AKAP19: variants seen among roughly 807,000 people sequenced by gnomAD.
AKAP19 encodes the protein small A-kinase anchoring protein.
the AKAP19 span, among the ~76,000 whole-genome samples, chr2:189,979,621 C>T: frequency 4.3e-3 from 652 of 152,186 alleles, 22 homozygotes; most frequent in Admixed American, 0.035. Flanking sequence ...GCAGAATCAA[C>T]AGAGTAAACA....
the AKAP19 span, among the ~76,000 whole-genome samples, chr2:190,170,788 T>C: frequency 6.6e-6 from 1 of 152,210 alleles, no homozygotes; most frequent in Admixed American, 6.5e-5. Flanking sequence ...TATTTTCTTA[T>C]CGCTTTTTGT....
chr2:190,134,169 G>GA, the AKAP19 span, among the ~76,000 whole-genome samples: 1 of 152,104 alleles, frequency 6.6e-6, no homozygotes, highest in Non-Finnish European at 1.5e-5. Flanking sequence ...TGAAACCCAT[G>GA]AGCTAAAAAC....
the AKAP19 span, among the ~76,000 whole-genome samples, chr2:189,920,292 T>C: frequency 1.3e-5 from 2 of 152,216 alleles, no homozygotes; most frequent in African/African-American, 4.8e-5. Flanking sequence ...TTTCTTGCAC[T>C]ATCATTCTCA....
At chr2:190,173,096 C>T in the AKAP19 span, among the ~76,000 whole-genome samples, 15 of 140,612 alleles carry the variant, frequency 1.1e-4, no homozygotes, top group Non-Finnish European at 1.5e-5. Flanking sequence ...GCCTCGGTGA[C>T]AAAGAGAGAC....
the AKAP19 span, among the ~76,000 whole-genome samples, chr2:190,028,242 A>AT: frequency 6.6e-5 from 10 of 152,006 alleles, no homozygotes; most frequent in South Asian, 2.1e-4. Context: ...TTTTTCCTTC[A>AT]TTTTTTCTGT....
At chr2:189,933,253 A>AC in the AKAP19 span, among the ~76,000 whole-genome samples, 1 of 152,224 alleles carries the variant, frequency 6.6e-6, no homozygotes, top group African/African-American at 2.4e-5. Flanking sequence ...TCTCATAAAG[A>AC]CTTCTACTCC....
At chr2:190,161,525 C>T in the AKAP19 span, among the ~76,000 whole-genome samples, 1 of 152,132 alleles carries the variant, frequency 6.6e-6, no homozygotes, top group African/African-American at 2.4e-5. Context: ...GTCATGTCAT[C>T]TTATAGAGAG....
At chr2:190,084,939 G>A in the AKAP19 span, among the ~76,000 whole-genome samples, 1 of 152,178 alleles carries the variant, frequency 6.6e-6, no homozygotes, top group Non-Finnish European at 1.5e-5. Flanking sequence ...AAAGGCCATG[G>A]GAAAACTTTT....
the AKAP19 span, among the ~76,000 whole-genome samples, chr2:189,907,680 G>T: frequency 6.6e-6 from 1 of 151,824 alleles, no homozygotes; most frequent in Admixed American, 6.6e-5. Context: ...AATATTTGTT[G>T]AACAATAGTG....
At chr2:190,054,612 C>T in the AKAP19 span, among the ~76,000 whole-genome samples, 1 of 152,132 alleles carries the variant, frequency 6.6e-6, no homozygotes, top group South Asian at 2.1e-4. Flanking sequence ...TATCCAGAAT[C>T]TACAATGAAC....
chr2:190,174,758 T>C, the AKAP19 span, among the ~76,000 whole-genome samples: 1 of 152,226 alleles, frequency 6.6e-6, no homozygotes, highest in African/African-American at 2.4e-5. Flanking sequence ...CAATGTCTTA[T>C]ACTCACATTT....
the AKAP19 span, chr2:189,923,864 G>T: frequency 6.2e-7 from 1 of 1,611,206 alleles, no homozygotes; most frequent in Non-Finnish European, 8.5e-7. Flanking sequence ...AAAGTTGAAA[G>T]GAGATGACCT....
chr2:190,180,985 C>G, the AKAP19 span: 3 of 985,678 alleles, frequency 3.0e-6, no homozygotes, highest in Non-Finnish European at 2.4e-6. This position sits in a 1 kb window ranked among gnomAD's most constrained non-coding sequence, Gnocchi z 6.8. Flanking sequence ...AGCAAGCCCC[C>G]CTCCCACGAC....
chr2:190,176,406 G>A, the AKAP19 span, among the ~76,000 whole-genome samples: 6 of 152,158 alleles, frequency 3.9e-5, no homozygotes, highest in African/African-American at 1.4e-4. The surrounding 1 kb of genome is among the most constrained non-coding windows in gnomAD (Gnocchi z 4.7). Context: ...GGAGTGCAAT[G>A]GTGTGATCTC....
chr2:189,901,383 G>T, the AKAP19 span, among the ~76,000 whole-genome samples: 1 of 152,022 alleles, frequency 6.6e-6, no homozygotes, highest in Non-Finnish European at 1.5e-5. Context: ...CACTTGCCCA[G>T]GCTGGAATGC....
the AKAP19 span, among the ~76,000 whole-genome samples, chr2:190,113,103 C>A: frequency 5.9e-4 from 89 of 151,734 alleles, no homozygotes; most frequent in Non-Finnish European, 9.3e-4. Flanking sequence ...TCAGGGTATT[C>A]TCTCATAATT....
the AKAP19 span, among the ~76,000 whole-genome samples, chr2:189,963,446 C>T: frequency 1.6e-4 from 24 of 152,246 alleles, no homozygotes; most frequent in East Asian, 3.9e-4. Flanking sequence ...CTGCCTGCCT[C>T]GGCCTCCCAA....
At chr2:190,025,670 A>C in the AKAP19 span, among the ~76,000 whole-genome samples, 3 of 152,180 alleles carry the variant, frequency 2.0e-5, no homozygotes, top group Non-Finnish European at 4.4e-5. Context: ...TTTCTGCGCA[A>C]TACCAGACTT....
chr2:190,059,538 C>T, the AKAP19 span, among the ~76,000 whole-genome samples: 1 of 151,828 alleles, frequency 6.6e-6, no homozygotes, highest in African/African-American at 2.4e-5. Flanking sequence ...TCTTGAGAAA[C>T]CTTAAATATA....
Sources: allele counts gnomAD v4.1 joint callset (sites outside exome capture counted in the v4.1 genomes callset), GRCh38; gene constraint gnomAD v4.1.1; non-coding constraint Gnocchi (gnomAD v3.1); transcripts MANE v1.5; gene names NCBI Gene and HGNC (gene_info 2026-07-23, HGNC 2026-07-21).